The following DISC1 variants were observed in gnomAD, a reference collection of about 807,000 sequenced individuals.
DISC1 encodes disrupted in schizophrenia 1 protein.
DISC1 carries 57 observed loss-of-function variants against 84.5 expected under a neutral mutation model. The observed-to-expected ratio is 0.67, with a 90% CI of 0.55 to 0.84. The LOEUF is 0.84. Ranked by LOEUF, DISC1 falls within the 40% of genes least tolerant of loss-of-function variation. The pLI is 0.00. For synonymous variants in DISC1, 411 were observed against 415.2 expected (o/e 0.99, Z 0.12); for missense variants, 1,000 against 1,057.8 (o/e 0.95, Z 0.76).
intron 9 of DISC1, among the ~76,000 whole-genome samples, chr1:231,941,476 A>AT (rs36036497): frequency 6.2e-3 from 890 of 144,362 alleles, no homozygotes; most frequent in Non-Finnish European, 8.3e-3. Flanking sequence ...TGAAACTTCA[A>AT]TTTTTTTTTT....
chr1:232,024,124 G>A (rs753906725), intron 11 of DISC1, among the ~76,000 whole-genome samples: 7 of 151,232 alleles, frequency 4.6e-5, no homozygotes, highest in Non-Finnish European at 7.4e-5. Flanking sequence ...CCACTGTTAT[G>A]GTCAATTTTG....
intron 9 of DISC1, among the ~76,000 whole-genome samples, chr1:231,928,864 G>A (rs1223879085): frequency 6.6e-6 from 1 of 152,194 alleles, no homozygotes; most frequent in Non-Finnish European, 1.5e-5. Context: ...TAGTTGTGCG[G>A]TTTTGAGTGA....
At chr1:231,635,735 G>T (rs2059134590) in intron 1 of DISC1, among the ~76,000 whole-genome samples, 1 of 151,678 alleles carries the variant, frequency 6.6e-6, no homozygotes, top group Non-Finnish European at 1.5e-5. Flanking sequence ...GTTCAGTTCA[G>T]TTTAAATATT....
chr1:231,665,170 A>G (rs966342688), intron 1 of DISC1, among the ~76,000 whole-genome samples: 1 of 152,204 alleles, frequency 6.6e-6, no homozygotes, highest in Non-Finnish European at 1.5e-5. Context: ...ATTGCCACCT[A>G]CATTGCTATT....
At chr1:232,023,035 CTA>C (rs1669110908) in intron 11 of DISC1, among the ~76,000 whole-genome samples, 1 of 121,908 alleles carries the variant, frequency 8.2e-6, no homozygotes, top group Non-Finnish European at 1.8e-5. Flanking sequence ...TCTAAAAAAA[CTA>C]AAAAAAATTT....
intron 1 of DISC1, among the ~76,000 whole-genome samples, chr1:231,663,768 G>A (rs1299076186): frequency 6.6e-6 from 1 of 151,974 alleles, no homozygotes; most frequent in African/African-American, 2.4e-5. Context: ...TATTTGTTTG[G>A]TCTCCTCCAT....
At chr1:231,868,086 C>T (rs1277686749) in intron 9 of DISC1, among the ~76,000 whole-genome samples, 2 of 152,200 alleles carry the variant, frequency 1.3e-5, no homozygotes, top group Non-Finnish European at 2.9e-5. Flanking sequence ...CACTCCCACT[C>T]AGAGGCATAA....
At chr1:231,971,343 G>T (rs1271986895) in intron 10 of DISC1, among the ~76,000 whole-genome samples, 1 of 152,220 alleles carries the variant, frequency 6.6e-6, no homozygotes, top group East Asian at 1.9e-4. Context: ...GTATGAACCT[G>T]TTAGCTTCAG....
intron 9 of DISC1, among the ~76,000 whole-genome samples, chr1:231,883,291 G>A (rs746905658): frequency 6.6e-6 from 1 of 152,122 alleles, no homozygotes; most frequent in African/African-American, 2.4e-5. Context: ...TGTTCTAGGT[G>A]TAGGAAATTC....
At chr1:231,970,963 C>T (rs564539633) in intron 10 of DISC1, among the ~76,000 whole-genome samples, 1 of 152,340 alleles carries the variant, frequency 6.6e-6, no homozygotes, top group Admixed American at 6.5e-5. Flanking sequence ...CTAAGGAAGG[C>T]AGTGTCTTGT....
chr1:231,927,967 A>G (rs1261591214), intron 9 of DISC1, among the ~76,000 whole-genome samples: 3 of 152,156 alleles, frequency 2.0e-5, no homozygotes, highest in Non-Finnish European at 4.4e-5. Context: ...TGCATTGTCT[A>G]CTTGGACCTA....
intron 1 of DISC1, among the ~76,000 whole-genome samples, chr1:231,634,851 C>T (rs1021229773): frequency 6.6e-6 from 1 of 151,754 alleles, no homozygotes. Context: ...TTCAAGGTGG[C>T]AGTGCGCTAT....
At chr1:231,979,024 C>T (rs976900867) in intron 10 of DISC1, among the ~76,000 whole-genome samples, 14 of 152,130 alleles carry the variant, frequency 9.2e-5, no homozygotes, top group African/African-American at 1.9e-4. Context: ...GCCTGAGCTC[C>T]GCCTCCTGTC....
At chr1:232,021,117 G>T (rs1668914033) in intron 11 of DISC1, among the ~76,000 whole-genome samples, 1 of 152,224 alleles carries the variant, frequency 6.6e-6, no homozygotes, top group African/African-American at 2.4e-5. Context: ...CAAGGCCAGT[G>T]TGAGGGTCCG....
chr1:231,915,027 T>G (rs1338426307), intron 9 of DISC1, among the ~76,000 whole-genome samples: 1 of 152,184 alleles, frequency 6.6e-6, no homozygotes, highest in Non-Finnish European at 1.5e-5. Context: ...GTTGTTTTGT[T>G]TAGATTCTTC....
At chr1:231,981,197 G>T (rs997108450) in intron 10 of DISC1, among the ~76,000 whole-genome samples, 2 of 152,166 alleles carry the variant, frequency 1.3e-5, no homozygotes, top group African/African-American at 4.8e-5. Context: ...TTCTGCCTAG[G>T]CCTCCCAAAG....
At chr1:231,753,295 G>A (rs1487830603) in intron 4 of DISC1, among the ~76,000 whole-genome samples, 4 of 152,230 alleles carry the variant, frequency 2.6e-5, no homozygotes, top group South Asian at 4.1e-4. Context: ...CTGAAACCTA[G>A]GCAGAGGCTC....
intron 7 of DISC1, 74 bp from the exon 8 acceptor site, chr1:231,800,034 T>TG (rs2079099935): frequency 9.3e-7 from 1 of 1,077,390 alleles, no homozygotes; most frequent in Non-Finnish European, 1.4e-6. Context: ...CAGAAATCTC[T>TG]GACCTGGCTG....
intron 1 of DISC1, among the ~76,000 whole-genome samples, chr1:231,677,245 T>G (rs559984309): frequency 6.6e-6 from 1 of 152,286 alleles, no homozygotes; most frequent in East Asian, 1.9e-4. Flanking sequence ...TTTACTGTCT[T>G]AGGAAGATAA....
Sources: gnomAD v4.1 joint callset for allele counts (sites outside exome capture counted in the v4.1 genomes callset) on GRCh38, gnomAD v4.1.1 for gene constraint, MANE v1.5 for transcripts, NCBI Gene and HGNC (gene_info 2026-07-23, HGNC 2026-07-21) for gene names.